Variants in NRXN3 observed in about 807,000 individuals in gnomAD.
NRXN3 encodes the protein neurexin III.
Under a neutral mutation model 137.6 loss-of-function variants are expected in NRXN3, and 32 were observed. The ratio of observed to expected loss-of-function variants is 0.23; its 90% CI spans 0.18 to 0.31. NRXN3 has a LOEUF of 0.31. NRXN3 is among the 10% of genes least tolerant of loss of function. The pLI is 1.00. For synonymous variants in NRXN3, 798 were observed against 784.5 expected, an observed-to-expected ratio of 1.02 and a Z score of -0.29; for missense variants, 1,574 against 2,062.5, an observed-to-expected ratio of 0.76 and a Z score of 4.59.
At chr14:78,916,779 A>G (rs569572313) in intron 10 of NRXN3, among the ~76,000 whole-genome samples, 1 of 152,196 alleles carries the variant, frequency 6.6e-6, no homozygotes. Flanking sequence ...ATAGAAATTT[A>G]TTTCCTCGCA....
At chr14:78,235,028 A>G (rs201783429) in intron 1 of NRXN3, among the ~76,000 whole-genome samples, 1 of 113,702 alleles carries the variant, frequency 8.8e-6, no homozygotes, top group African/African-American at 3.8e-5. Context: ...ATATATGTGT[A>G]TATATATATG....
chr14:79,861,260 T>A lies in NRXN3; in HGVS notation c.4094-82T>A. ...TGATGATGGCTTGGTGATATCTGGGTATGGCTCAGGGGAAACCTTTGACTC... is the reference window on the plus strand; with the variant it reads ...TGATGATGGCTTGGTGATATCTGGGAATGGCTCAGGGGAAACCTTTGACTC... On this transcript the variant is annotated intron_variant, in intron 20 of 20. Coordinates refer to ENST00000335750, the MANE Select transcript of NRXN3 (RefSeq NM_001330195.2). The surrounding 1 kb of genome is among the most constrained non-coding windows in gnomAD (Gnocchi z 5.4). 1 of 1,535,912 alleles carries A rather than the reference T, an allele frequency of 6.5e-7. No individual in the cohort carries two copies. Among genetic ancestry groups the A allele is most frequent in the Admixed American group, 2.0e-5 (1 of 50,998 alleles).
chr14:78,180,067 C>T lies in NRXN3; in HGVS notation c.-704+9393C>T, dbSNP rs141137441. The stretch of plus-strand genomic sequence containing the variant: ...TTCACCATGTTGGCCAGGTTGGTCT[C>T]GAACTCCTGACCTAAGGTGATCCAC... On this transcript the variant is annotated intron_variant, in intron 1 of 20. Coordinates refer to ENST00000335750, the MANE Select transcript of NRXN3 (RefSeq NM_001330195.2). 1.4e-3 allele frequency among the ~76,000 whole-genome samples: 214 copies of T among 152,100 alleles called. 4 individuals are homozygous for T. The East Asian group carries it at 0.033, about 23-fold the overall frequency.
chr14:78,635,094 G>A (rs963529602), intron 4 of NRXN3, among the ~76,000 whole-genome samples: 1 of 152,070 alleles, frequency 6.6e-6, no homozygotes, highest in African/African-American at 2.4e-5. Flanking sequence ...TGATTGTCTT[G>A]TTTTCTCTAG....
At chr14:78,960,039 A>G (rs893415692) in intron 11 of NRXN3, among the ~76,000 whole-genome samples, 1 of 152,230 alleles carries the variant, frequency 6.6e-6, no homozygotes, top group Admixed American at 6.5e-5. Context: ...ACTTTGGAAT[A>G]AAGCTATTTG....
chr14:78,571,644 G>A (rs1414555698), intron 4 of NRXN3, among the ~76,000 whole-genome samples: 1 of 152,130 alleles, frequency 6.6e-6, no homozygotes, highest in African/African-American at 2.4e-5. Flanking sequence ...TGATTTTGGT[G>A]TTGAAAAAGG....
intron 4 of NRXN3, among the ~76,000 whole-genome samples, chr14:78,395,991 A>T (rs912262927): frequency 2.0e-5 from 3 of 151,836 alleles, no homozygotes; most frequent in Admixed American, 6.6e-5. Flanking sequence ...ATCATCATTT[A>T]TATGTAAGGG....
intron 1 of NRXN3, among the ~76,000 whole-genome samples, chr14:78,217,873 C>CTGG (rs1389931194): frequency 2.0e-5 from 3 of 152,162 alleles, no homozygotes; most frequent in Non-Finnish European, 4.4e-5. Context: ...GTTGACCAGG[C>CTGG]TGGTCTTGAA....
intron 4 of NRXN3, among the ~76,000 whole-genome samples, chr14:78,579,121 A>G (rs1055052233): frequency 1.3e-5 from 2 of 152,142 alleles, no homozygotes; most frequent in African/African-American, 2.4e-5. Context: ...ATTCAAGAAC[A>G]ACGCAGTTGT....
intron 15 of NRXN3, among the ~76,000 whole-genome samples, chr14:79,190,746 G>C (rs1419116510): frequency 1.3e-5 from 2 of 152,024 alleles, no homozygotes; most frequent in African/African-American, 4.8e-5. Flanking sequence ...TGCATGGTAG[G>C]GAAAAGGGAA....
chr14:79,565,284 TACGC>T (rs1261172890), intron 16 of NRXN3, among the ~76,000 whole-genome samples: 3 of 126,144 alleles, frequency 2.4e-5, no homozygotes, highest in African/African-American at 6.4e-5. Context: ...TGTATACATA[TACGC>T]ACACATGTGT....
intron 19 of NRXN3, among the ~76,000 whole-genome samples, chr14:79,777,949 A>C (rs2099102333): frequency 6.6e-6 from 1 of 151,718 alleles, no homozygotes; most frequent in South Asian, 2.1e-4. Context: ...AAAAAATGAG[A>C]CCTTCTCTTG....
intron 1 of NRXN3, among the ~76,000 whole-genome samples, chr14:78,187,412 A>G (rs894746856): frequency 6.6e-6 from 1 of 152,192 alleles, no homozygotes. Flanking sequence ...TCCTGAGTCT[A>G]CATGCCATTC....
chr14:79,252,486 C>T (rs2076068722), intron 15 of NRXN3, among the ~76,000 whole-genome samples: 1 of 151,780 alleles, frequency 6.6e-6, no homozygotes, highest in African/African-American at 2.4e-5. Context: ...ATGATTAAAG[C>T]TCAGTAAAAT....
intron 4 of NRXN3, among the ~76,000 whole-genome samples, chr14:78,460,482 C>G (rs4899712): frequency 6.6e-6 from 1 of 152,206 alleles, no homozygotes; most frequent in African/African-American, 2.4e-5. Context: ...GACACTATGG[C>G]GATTCCAAGG....
intron 15 of NRXN3, among the ~76,000 whole-genome samples, chr14:79,283,189 C>T (rs1178688427): frequency 6.6e-6 from 1 of 152,214 alleles, no homozygotes; most frequent in African/African-American, 2.4e-5. Context: ...TACTGCCAAT[C>T]TTATTCCAGA....
intron 15 of NRXN3, among the ~76,000 whole-genome samples, chr14:79,330,120 G>A (rs1448175039): frequency 6.6e-6 from 1 of 151,974 alleles, no homozygotes; most frequent in South Asian, 2.1e-4. Context: ...GTGAGCCACC[G>A]TGCCTCGCCC....
At chr14:79,006,973 A>G (rs755877397) in intron 15 of NRXN3, among the ~76,000 whole-genome samples, 1 of 152,180 alleles carries the variant, frequency 6.6e-6, no homozygotes, top group Non-Finnish European at 1.5e-5. Context: ...GAAATGCTTG[A>G]GGTATTCAAA....
At chr14:78,437,087 G>T (rs1366008999) in intron 4 of NRXN3, among the ~76,000 whole-genome samples, 2 of 152,172 alleles carry the variant, frequency 1.3e-5, no homozygotes, top group Non-Finnish European at 2.9e-5. Flanking sequence ...CCCTTCATGT[G>T]GTTGTTATGA....
Sources: gnomAD v4.1 joint callset for allele counts (sites outside exome capture counted in the v4.1 genomes callset) on GRCh38, gnomAD v4.1.1 for gene constraint, Gnocchi (gnomAD v3.1) non-coding constraint, MANE v1.5 for transcripts, NCBI Gene and HGNC (gene_info 2026-07-23, HGNC 2026-07-21) for gene names.